SCRIB: variants seen among roughly 807,000 people sequenced by gnomAD.
SCRIB encodes scribble planar cell polarity protein.
In SCRIB, 72 loss-of-function variants were observed where a neutral mutation model predicts 170.0. The observed-to-expected ratio is 0.42, with a 90% CI of 0.35 to 0.52. SCRIB has a LOEUF of 0.52. Among genes scored for constraint, SCRIB ranks in the 20% least tolerant of loss-of-function variants. The pLI, the probability that SCRIB is intolerant of heterozygous loss-of-function variation, is 0.02. For synonymous variants in SCRIB, 1,298 were observed against 1,044.3 expected, an observed-to-expected ratio of 1.24 and a Z score of -4.68; for missense variants, 2,475 against 2,338.5, an observed-to-expected ratio of 1.06 and a Z score of -1.20.
intron 1 of SCRIB, among the ~76,000 whole-genome samples, chr8:143,814,519 G>C (rs777992010): frequency 6.6e-6 from 1 of 152,056 alleles, no homozygotes; most frequent in Non-Finnish European, 1.5e-5. Flanking sequence ...CAAGAACTCA[G>C]TAAACGCTCC....
Position 143,815,515 on chromosome 8 carries a change from C to T in SCRIB, c.-143G>A. The stretch of plus-strand genomic sequence containing the variant: ...CGCCCGAGACTGGACGGGGACGCGG[C>T]CGCGGCCGGCGCTGGGCCCGGCCCG... On this transcript the variant is annotated 5_prime_UTR_variant, in exon 1 of 37. Transcript: ENST00000356994. The T allele has an allele frequency of 5.1e-6, 5 of 984,092 alleles. No homozygotes were observed. Among genetic ancestry groups the T allele is most frequent in the Non-Finnish European group, 6.0e-6 (5 of 830,120 alleles). 61.0% of individuals were successfully genotyped at this position (984,092 alleles called of 1,614,324 possible).
rs371317541 is a variant in SCRIB, at chr8:143,813,800, C to G, written c.356+18G>C. The G allele has an allele frequency of 1.9e-6, 3 of 1,608,098 alleles. No individual in the cohort carries two copies. The highest frequency in any genetic ancestry group is 2.6e-6 in the Non-Finnish European group (3 of 1,176,282). On this transcript the variant is annotated intron_variant, in intron 3 of 36. Transcript: ENST00000356994. ...GGACCCATAGCCCCTACCGACCCCA[C>G]CACAGGCTGCCACCCACCTGGAGAG...
rs1815334946 is a variant in SCRIB, at chr8:143,804,748, G to C, written c.2829C>G (p.Ala943=). Residue 943 remains alanine, a synonymous_variant, in exon 21 of 37, where the codon GCC becomes GCG. Coordinates refer to ENST00000356994, the MANE Select transcript of SCRIB (RefSeq NM_182706.5). ...SLLTAASPTI[A]LLLEREAGGP... ...CCCCAGCCTCCCGCTCCAACAGCAG[G>C]GCGATGGTGGGGGAGGCAGCGGTCA... 6.2e-6 allele frequency: 10 copies of C among 1,603,598 alleles called. No individual in the cohort carries two copies. Among genetic ancestry groups the C allele is most frequent in the Non-Finnish European group, 8.5e-6 (10 of 1,176,202 alleles).
chr8:143,807,915 T>G (rs1006989436), intron 15 of SCRIB, among the ~76,000 whole-genome samples: 2 of 152,180 alleles, frequency 1.3e-5, no homozygotes, highest in East Asian at 1.9e-4. Flanking sequence ...AGGGCAGGGA[T>G]AGTGAGACCC....
At chr8:143,799,325 G>T (rs146888797) in intron 24 of SCRIB, among the ~76,000 whole-genome samples, 11 of 152,340 alleles carry the variant, frequency 7.2e-5, no homozygotes, top group African/African-American at 2.6e-4. Context: ...CTCTTCTGAA[G>T]TTTAATTTTT....
rs782660971 is a variant in SCRIB, at chr8:143,805,259, T to G, written c.2523A>C (p.Gly841=). 6.6e-7 allele frequency: 1 copy of G among 1,519,164 alleles called. No homozygotes were observed. The highest frequency in any genetic ancestry group is 1.4e-5 in the African/African-American group (1 of 71,070). The allele number at this position is 1,519,164 out of a possible 1,614,324, so 94.1% of individuals were successfully genotyped here. ...EDDYSPRERR[G]GGLRLPLLPP... is the part of the protein sequence containing the mutation. ...GGAGCAGGGGCAGGCGCAGCCCCCC[T>G]CCCCGCCGCTCTCGGGGGCTGTAAT... Residue 841 remains glycine, a synonymous_variant, in exon 19 of 37, where the codon GGA becomes GGC. Transcript: ENST00000356994.
chr8:143,807,926 G>A (rs559271582), intron 15 of SCRIB, among the ~76,000 whole-genome samples: 13 of 152,268 alleles, frequency 8.5e-5, no homozygotes, highest in Non-Finnish European at 1.5e-4. Context: ...AGTGAGACCC[G>A]GGGACTCCCC....
chr8:143,808,813 C>G lies in SCRIB; in HGVS notation c.1911G>C (p.Glu637Asp). The stretch of plus-strand genomic sequence containing the variant: ...GCCAGCCCCCGGGAGCCACAGGGCC[C>G]TCCCCATCAGGCTGCATGCCCTGCA... ...ALLQGMQPDG[E>D]GPVAPGGWHN... is the part of the protein sequence containing the mutation. Residue 637 changes from glutamate (E) to aspartate (D), a missense_variant, in exon 15 of 37, where the codon GAG becomes GAC. Around this residue, in one of 3 missense-constraint regions of SCRIB, gnomAD observed 1,966 missense variants for 1,742.9 expected, o/e 1.13. Coordinates refer to ENST00000356994, the MANE Select transcript of SCRIB (RefSeq NM_182706.5). The G allele has an allele frequency of 6.2e-7, 1 of 1,612,172 alleles. No individual in the cohort carries two copies. Among genetic ancestry groups the G allele is most frequent in the Non-Finnish European group, 8.5e-7 (1 of 1,179,634 alleles).
intron 18 of SCRIB, among the ~76,000 whole-genome samples, chr8:143,805,658 G>A (rs1392701672): frequency 2.0e-5 from 3 of 152,198 alleles, no homozygotes; most frequent in African/African-American, 4.8e-5. Flanking sequence ...GGAAGCCCTA[G>A]GGCCAGGACA....
intron 24 of SCRIB, among the ~76,000 whole-genome samples, chr8:143,795,981 A>G (rs1814926267): frequency 6.6e-6 from 1 of 152,134 alleles, no homozygotes; most frequent in Admixed American, 6.5e-5. Flanking sequence ...GGATTCTGAA[A>G]CAAGGGACAC....
Position 143,791,408 on chromosome 8 carries a change from C to A in SCRIB, c.4803G>T (p.Leu1601=). The A allele has an allele frequency of 6.2e-7, 1 of 1,611,022 alleles. No homozygotes were observed. Among genetic ancestry groups the A allele is most frequent in the East Asian group, 2.2e-5 (1 of 44,768 alleles). ...ACTCACCAGGGCTGGGAGATGGTTC[C>A]AGGGACCTCAACTCCTCAGCAAAGT... ...SPDFAEELRS[L]EPSPSPGPQE... The change falls in exon 36 of 37, where the codon CTG becomes CTT. Residue 1601 remains leucine, a synonymous_variant. Coordinates refer to ENST00000356994, the MANE Select transcript of SCRIB (RefSeq NM_182706.5).
At chr8:143,815,117 C>T (rs540933811) in intron 1 of SCRIB, 97 bp downstream of exon 1, 2 of 1,348,760 alleles carry the variant, frequency 1.5e-6, no homozygotes, top group East Asian at 6.1e-5. Context: ...GCAGGGCCGG[C>T]TGGAGGCTGC....
chr8:143,807,049 G>A (rs145963123), intron 16 of SCRIB, 36 bp from the exon 17 acceptor site: 133 of 1,466,060 alleles, frequency 9.1e-5, no homozygotes, highest in Non-Finnish European at 1.1e-4. Flanking sequence ...TAGAAGGGCC[G>A]CAGTGGGGCT....
rs1436995349 is a variant in SCRIB at position 143,798,891 on chromosome 8, G to A, written c.3604-3361C>T. On this transcript the variant is annotated intron_variant, in intron 24 of 36. Coordinates refer to ENST00000356994, the MANE Select transcript of SCRIB (RefSeq NM_182706.5). ...CACAAAAATGTTGGAATCCAGGGCC[G>A]GGGCAGGAAGTACAAAGAATGCCCT... is the stretch of plus-strand genomic sequence containing the variant. Among the ~76,000 whole-genome samples the A allele has an allele frequency of 5.3e-5, 8 of 151,692 alleles. 1 individual carries two copies. The highest frequency in any genetic ancestry group is 2.0e-4 in the East Asian group (1 of 5,128).
rs371865153 is a variant in SCRIB at position 143,813,645 on chromosome 8, G to A, written c.438C>T (p.Asp146=). 271 of 1,613,208 alleles carry A rather than the reference G, an allele frequency of 1.7e-4. No homozygotes were observed. The highest frequency in any genetic ancestry group is 2.0e-4 in the Non-Finnish European group (231 of 1,179,992). Residue 146 remains aspartate, a synonymous_variant, in exon 4 of 37, where the codon GAC becomes GAT. Transcript: ENST00000356994. ...CCTGAGAAGGCACTCACTTGCCCAC[G>A]TCCCCGGGCAGTGCCTGCAGAGACA... The part of the protein sequence containing the change: ...NDVSLQALPG[D]VGNLANLVTL...
At chr8:143,800,808 C>T (rs1214918636) in intron 24 of SCRIB, among the ~76,000 whole-genome samples, 5 of 152,328 alleles carry the variant, frequency 3.3e-5, no homozygotes, top group Admixed American at 6.5e-5. Flanking sequence ...CCCGGCAGGG[C>T]GAGCCTGCGG....
rs147130851 is a variant in SCRIB at position 143,797,845 on chromosome 8, G to A, written c.3604-2315C>T. 9.9e-3 allele frequency among the ~76,000 whole-genome samples: 1,514 copies of A among 152,382 alleles called. 8 individuals are homozygous for A. The highest frequency in any genetic ancestry group is 0.017 in the Admixed American group (261 of 15,308). ...CAGGGATCGGGCCGCGCCCTTCCAC[G>A]ACGGAGCACGTCCCCGGCGCAGTGG... On this transcript the variant is annotated intron_variant, in intron 24 of 36. Coordinates refer to ENST00000356994, the MANE Select transcript of SCRIB (RefSeq NM_182706.5).
In SCRIB at chr8:143,792,369, GC is replaced by G; in HGVS notation, c.4364del (p.Gly1455AlafsTer52). On this transcript the variant is annotated frameshift_variant, in exon 32 of 37. Transcript: ENST00000356994. LOFTEE classifies it high-confidence loss of function. ...SPASPPPLGG[G>X]APVRTAKAER... ...CAGCTTTGGCCGTCCGCACCGGGGC[GC>G]CACCTCCCAGGGGTGGGGGGGACGC... The G allele has an allele frequency of 6.6e-7, 1 of 1,525,774 alleles. No homozygotes were observed. The highest frequency in any genetic ancestry group is 1.2e-5 in the South Asian group (1 of 81,760). The allele number at this position is 1,525,774 out of a possible 1,614,324, so 94.5% of individuals were successfully genotyped here.
rs778629131 is a variant in SCRIB, at chr8:143,812,956, G to C, written c.648C>G (p.Leu216=). 6.2e-7 allele frequency: 1 copy of C among 1,612,704 alleles called. No individual in the cohort carries two copies. The highest frequency in any genetic ancestry group is 2.2e-5 in the East Asian group (1 of 44,870). Residue 216 remains leucine, a synonymous_variant, in exon 8 of 37, where the codon CTC becomes CTG. Coordinates refer to ENST00000356994, the MANE Select transcript of SCRIB (RefSeq NM_182706.5). ...GGCACACCAGGCGCCGCAGGTTCCC[G>C]AGCTCCTGCAGGTGGGCAGAGAGTC... ...RNQLSALPPE[L]GNLRRLVCLD... is the part of the protein sequence containing the mutation.
Sources: gnomAD v4.1 joint callset for allele counts (sites outside exome capture counted in the v4.1 genomes callset) on GRCh38, gnomAD v4.1.1 for gene constraint, gnomAD v4.1.1 regional missense constraint, MANE v1.5 for transcripts, NCBI Gene and HGNC (gene_info 2026-07-23, HGNC 2026-07-21) for gene names.